Variants in SAMD9 observed in about 807,000 individuals in gnomAD.
The protein encoded by SAMD9 is sterile alpha motif domain containing 9, also known as sterile alpha motif domain-containing protein 9.
In SAMD9, 3 loss-of-function variants were observed where a neutral mutation model predicts 1.5. The observed-to-expected ratio is 2.05, with a 90% confidence interval of 0.93 to 5.29. SAMD9 has a LOEUF of 5.29. SAMD9 is among the 30% of genes most tolerant of loss of function. SAMD9 has a pLI of 0.02. For synonymous variants in SAMD9, 635 were observed against 631.9 expected, an observed-to-expected ratio of 1.00 and a Z score of -0.07; for missense variants, 1,597 against 1,820.8, an observed-to-expected ratio of 0.88 and a Z score of 2.24.
At chr7:93,108,866 C>A (rs907417494) in intron 2 of SAMD9, among the ~76,000 whole-genome samples, 1 of 152,116 alleles carries the variant, frequency 6.6e-6, no homozygotes, top group African/African-American at 2.4e-5. Flanking sequence ...TAGACTCCAC[C>A]TGTGGGGCAG....
intron 2 of SAMD9, among the ~76,000 whole-genome samples, chr7:93,114,138 T>C (rs1468192208): frequency 6.6e-6 from 1 of 152,124 alleles, no homozygotes; most frequent in Non-Finnish European, 1.5e-5. Flanking sequence ...GATGAGTTCA[T>C]GTCCTTTGTA....
At chr7:93,108,485 G>A (rs1393700203) in intron 2 of SAMD9, among the ~76,000 whole-genome samples, 1 of 152,208 alleles carries the variant, frequency 6.6e-6, no homozygotes, top group African/African-American at 2.4e-5. Context: ...AGTAGTGTGA[G>A]CCAAAGCAGG....
At chr7:93,113,388 G>C (rs1029853927) in intron 2 of SAMD9, among the ~76,000 whole-genome samples, 2 of 152,132 alleles carry the variant, frequency 1.3e-5, no homozygotes, top group African/African-American at 2.4e-5. Flanking sequence ...CAGGACATAG[G>C]CATGGGCAAG....
At position 93,104,509 on chromosome 7, in the gene SAMD9, T is replaced by G. The variant is rs200619557; in HGVS notation, c.1589A>C (p.His530Pro). ...DVRKLISFLT[H>P]EDIMPRGKFL... is the part of the protein sequence containing the mutation. Reference sequence around the variant, plus strand: ...CTTCCCTCTTGGCATTATGTCTTCATGTGTAAGAAATGAAATCAGTTTCCT... The same window carrying G: ...CTTCCCTCTTGGCATTATGTCTTCAGGTGTAAGAAATGAAATCAGTTTCCT... The change falls in exon 3 of 3, where the codon CAT becomes CCT. Residue 530 changes from histidine to proline, a missense_variant. Physicochemically the swap from His to Pro is moderately conservative, Grantham distance 77. Coordinates refer to ENST00000379958, the MANE Select transcript of SAMD9 (RefSeq NM_017654.4). 21 of 1,614,028 alleles carry G rather than the reference T, an allele frequency of 1.3e-5. No homozygotes were observed. The East Asian group carries it at 3.8e-4, about 29-fold the overall frequency.
Position 93,113,449 on chromosome 7 carries a change from A to G in SAMD9, c.-9+1346T>C, listed in dbSNP as rs926688910. ...CAATGGCAACAAAACCAAAATTGAC[A>G]AATGGGATCTAGTTAAACTAAAGCA... On this transcript the variant is annotated intron_variant, in intron 2 of 2. Transcript: ENST00000379958. Among the ~76,000 whole-genome samples the G allele has an allele frequency of 2.6e-5, 4 of 152,364 alleles. No individual in the cohort carries two copies. In the South Asian group the frequency reaches 8.3e-4, roughly 32 times the overall value.
At chr7:93,106,140 T>C (rs1452496086) in intron 2 of SAMD9, 35 bp from the exon 3 acceptor site, 1 of 1,421,598 alleles carries the variant, frequency 7.0e-7, no homozygotes, top group Non-Finnish European at 9.4e-7. Flanking sequence ...TTTAGTATTA[T>C]TAAAAGTAAA....
At position 93,104,059 on chromosome 7, in the gene SAMD9, T is replaced by C; in HGVS notation, c.2039A>G (p.Glu680Gly). The C allele has an allele frequency of 6.2e-7, 1 of 1,613,992 alleles. No individual in the cohort carries two copies. Residue 680 changes from glutamate (E) to glycine (G), a missense_variant, in exon 3 of 3, where the codon GAG (glutamate) becomes GGG (glycine). Around this residue, in one of 6 missense-constraint regions of SAMD9, gnomAD observed 358 missense variants for 460.4 expected, o/e 0.78. Transcript: ENST00000379958. Reference protein sequence around the residue: ...NKFLEFKASKEEDFYRGGKVS... With the variant: ...NKFLEFKASKGEDFYRGGKVS... ...TTTGCCACCTCGATAGAAGTCTTCC[T>C]CTTTTGATGCCTTGAATTCAAGGAA... is the stretch of plus-strand genomic sequence containing the variant.
At position 93,105,571 on chromosome 7, in the gene SAMD9, T is replaced by A. The variant is rs1296067892; in HGVS notation, c.527A>T (p.Lys176Met). ...FDEFSNPYRY[K>M]LDFSLQPETG... ...TTCAGGCTGTAGACTAAAATCCAAC[T>A]TGTAACGATATGGATTACTGAATTC... The change falls in exon 3 of 3, where the codon AAG (lysine) becomes ATG (methionine). Residue 176 changes from lysine to methionine, a missense_variant. Coordinates refer to ENST00000379958, the MANE Select transcript of SAMD9 (RefSeq NM_017654.4). The A allele has an allele frequency of 6.2e-7, 1 of 1,614,030 alleles. No individual in the cohort carries two copies. Among genetic ancestry groups the A allele is most frequent in the Non-Finnish European group, 8.5e-7 (1 of 1,180,026 alleles).
Position 93,105,388 on chromosome 7 carries a change from A to G in SAMD9, c.710T>C (p.Phe237Ser). The change falls in exon 3 of 3, where the codon TTT becomes TCT. Residue 237 changes from phenylalanine (F) to serine (S), a missense_variant. Coordinates refer to ENST00000379958, the MANE Select transcript of SAMD9 (RefSeq NM_017654.4). The stretch of plus-strand genomic sequence containing the variant: ...CCCATGGGGTTTGTCTTTGACTCCA[A>G]AATGAATAGTGCCATTGGTACGTGA... ...MNSRTNGTIH[F>S]GVKDKPHGKI... 6.2e-7 allele frequency: 1 copy of G among 1,614,034 alleles called. No individual in the cohort carries two copies.
intron 1 of SAMD9, among the ~76,000 whole-genome samples, chr7:93,115,785 TC>T (rs1362756104): frequency 7.2e-5 from 11 of 152,320 alleles, no homozygotes; most frequent in Admixed American, 7.2e-4. Flanking sequence ...AATTGTGAAT[TC>T]AATGGTATGT....
Position 93,102,314 on chromosome 7 carries a change from A to C in SAMD9, c.3784T>G (p.Phe1262Val). Residue 1262 changes from phenylalanine to valine, a missense_variant, in exon 3 of 3, where the codon TTT becomes GTT. Physicochemically the swap from Phe to Val is conservative, Grantham distance 50. Coordinates refer to ENST00000379958, the MANE Select transcript of SAMD9 (RefSeq NM_017654.4). ...AAATCAAAGGACTTTTTCAAAGAAAATTTCAATTTAGTTAAATAAGGAATA... is the reference window on the plus strand; with the variant it reads ...AAATCAAAGGACTTTTTCAAAGAAACTTTCAATTTAGTTAAATAAGGAATA... ...NYIPYLTKLKFSLKKSFDFFD... is the reference protein window; with the variant it reads ...NYIPYLTKLKVSLKKSFDFFD... 1 of 1,610,440 alleles carries C rather than the reference A, an allele frequency of 6.2e-7. No homozygotes were observed. Among genetic ancestry groups the C allele is most frequent in the South Asian group, 1.1e-5 (1 of 90,810 alleles).
chr7:93,104,191 C>A lies in SAMD9; in HGVS notation c.1907G>T (p.Gly636Val). The A allele has an allele frequency of 6.2e-7, 1 of 1,613,838 alleles. No individual in the cohort carries two copies. ...CTTTTTCAGAAGGACAGTCGATAAA[C>A]CAATAGATGGCAAAAGCCTTTTTGA... ...QSSKRLLPSI[G>V]LSTVLLKKEE... is the part of the protein sequence containing the mutation. The change falls in exon 3 of 3, where the codon GGT (glycine) becomes GTT (valine). Residue 636 changes from glycine (G) to valine (V), a missense_variant. Gly to Val is a moderately radical substitution (Grantham distance 109, BLOSUM62 -3). This residue lies in a region of SAMD9 where 358 missense variants were observed against 460.4 expected (regional missense o/e 0.78). Transcript: ENST00000379958.
In SAMD9 at chr7:93,101,729, C is replaced by A. The variant is rs1285365179; in HGVS notation, c.4369G>T (p.Ala1457Ser). The change falls in exon 3 of 3, where the codon GCT becomes TCT. Residue 1457 changes from alanine (A) to serine (S), a missense_variant. Coordinates refer to ENST00000379958, the MANE Select transcript of SAMD9 (RefSeq NM_017654.4). ...DQHSEQMKEY[A>S]QALKNSFKGQ... ...TTGAAAGAATTTTTTAGTGCTTGAGCATACTCTTTCATTTGTTCAGAATGT... is the reference window on the plus strand; with the variant it reads ...TTGAAAGAATTTTTTAGTGCTTGAGAATACTCTTTCATTTGTTCAGAATGT... The A allele has an allele frequency of 1.9e-6, 3 of 1,613,810 alleles. No homozygotes were observed. The highest frequency in any genetic ancestry group is 2.5e-6 in the Non-Finnish European group (3 of 1,179,782).
In SAMD9 at chr7:93,104,286, T is replaced by A. The variant is rs181767582; in HGVS notation, c.1812A>T (p.Gln604His). Residue 604 changes from glutamine (Q) to histidine (H), a missense_variant, in exon 3 of 3, where the codon CAA becomes CAT. By Grantham distance (24) the Gln-to-His change is conservative. This residue lies in a region of SAMD9 where 358 missense variants were observed against 460.4 expected (regional missense o/e 0.78). Coordinates refer to ENST00000379958, the MANE Select transcript of SAMD9 (RefSeq NM_017654.4). ...CTTCAAGGCTTAAAGCAGAAATACA[T>A]TGGCTTGAAATTTCATCTTGGTGTT... Reference protein sequence around the residue: ...LIKHQDEISSQCISALSLEEI... With the variant: ...LIKHQDEISSHCISALSLEEI... 17 of 1,613,388 alleles carry A rather than the reference T, an allele frequency of 1.1e-5. No homozygotes were observed. The highest frequency in any genetic ancestry group is 1.7e-5 in the Admixed American group (1 of 59,948).
rs117649834 is a variant in SAMD9 at position 93,104,738 on chromosome 7, C to A, written c.1360G>T (p.Ala454Ser). The change falls in exon 3 of 3, where the codon GCT (alanine) becomes TCT (serine). Residue 454 changes from alanine to serine, a missense_variant. Ala to Ser is a moderately conservative substitution (Grantham distance 99). Around this residue, in one of 6 missense-constraint regions of SAMD9, gnomAD observed 358 missense variants for 460.4 expected, o/e 0.78. Coordinates refer to ENST00000379958, the MANE Select transcript of SAMD9 (RefSeq NM_017654.4). Reference sequence around the variant, plus strand: ...TTTGCTACTCGGCTTTCTTTGTAAGCTTTGACCACTCCATTGATGTTAGAC... The same window carrying A: ...TTTGCTACTCGGCTTTCTTTGTAAGATTTGACCACTCCATTGATGTTAGAC... Reference protein sequence around the residue: ...PESNINGVVKAYKESRVANLH... With the variant: ...PESNINGVVKSYKESRVANLH... The A allele has an allele frequency of 6.2e-7, 1 of 1,613,856 alleles. No homozygotes were observed. Among genetic ancestry groups the A allele is most frequent in the African/African-American group, 1.3e-5 (1 of 75,038 alleles).
chr7:93,107,036 T>C (rs949289423), intron 2 of SAMD9, among the ~76,000 whole-genome samples: 2 of 151,974 alleles, frequency 1.3e-5, no homozygotes, highest in Non-Finnish European at 2.9e-5. Flanking sequence ...TGTTGTTGGG[T>C]ATTTTAATTT....
chr7:93,117,020 A>G (rs766173118), intron 1 of SAMD9, among the ~76,000 whole-genome samples: 3 of 152,202 alleles, frequency 2.0e-5, no homozygotes, highest in Non-Finnish European at 4.4e-5. Context: ...GAAATTAGAC[A>G]TAAACCTAGT....
intron 2 of SAMD9, 58 bp from the exon 3 acceptor site, chr7:93,106,163 T>G (rs1449085721): frequency 1.7e-6 from 2 of 1,170,354 alleles, no homozygotes; most frequent in Non-Finnish European, 2.4e-6. Context: ...TTTGAAACAA[T>G]TTTAGTAGAT....
intron 2 of SAMD9, among the ~76,000 whole-genome samples, chr7:93,112,626 T>G (rs998202107): frequency 6.6e-6 from 1 of 152,206 alleles, no homozygotes; most frequent in Admixed American, 6.5e-5. Context: ...AAAATCAATG[T>G]GCAAAAATCA....
Sources: allele counts gnomAD v4.1 joint callset (sites outside exome capture counted in the v4.1 genomes callset), GRCh38; gene constraint gnomAD v4.1.1; regional missense constraint gnomAD v4.1.1; transcripts MANE v1.5; gene names NCBI Gene and HGNC (gene_info 2026-07-23, HGNC 2026-07-21).